ATP9B: variants seen among roughly 807,000 people sequenced by gnomAD.
ATP9B encodes the protein ATPase phospholipid transporting 9B.
ATP9B carries 110 observed loss-of-function variants against 146.1 expected under a neutral mutation model. The ratio of observed to expected loss-of-function variants is 0.75; its 90% CI spans 0.65 to 0.88. The LOEUF is 0.88. Ranked by LOEUF, ATP9B falls within the 40% of genes least tolerant of loss-of-function variation. The pLI, the probability that ATP9B is intolerant of heterozygous loss-of-function variation, is 0.00. For missense variants in ATP9B, 1,499 were observed against 1,496.4 expected (o/e 1.00, Z -0.03); for synonymous variants, 604 against 569.7 (o/e 1.06, Z -0.86).
chr18:79,128,249 G>A (rs1196908761), intron 5 of ATP9B, among the ~76,000 whole-genome samples: 5 of 151,730 alleles, frequency 3.3e-5, no homozygotes, highest in African/African-American at 7.3e-5. Context: ...TAGTCGATAC[G>A]GGGTTTCACT....
chr18:79,228,077 A>G (rs141885047), intron 11 of ATP9B, among the ~76,000 whole-genome samples: 3 of 152,396 alleles, frequency 2.0e-5, no homozygotes, highest in East Asian at 1.9e-4. Context: ...TGAGTGAATC[A>G]ATGCAGGACA....
intron 8 of ATP9B, among the ~76,000 whole-genome samples, chr18:79,184,737 A>G (rs1218969814): frequency 6.6e-6 from 1 of 152,098 alleles, no homozygotes; most frequent in Non-Finnish European, 1.5e-5. Flanking sequence ...TCTCTGCAGA[A>G]CTAAAGGGAT....
chr18:79,313,915 A>G (rs968429731), intron 15 of ATP9B, among the ~76,000 whole-genome samples: 3 of 152,240 alleles, frequency 2.0e-5, no homozygotes, highest in Non-Finnish European at 2.9e-5. Flanking sequence ...AAAGAGCTCT[A>G]TTGATGCAAT....
intron 7 of ATP9B, chr18:79,174,222 A>G (rs2095124846): frequency 4.8e-6 from 2 of 420,136 alleles, no homozygotes; most frequent in South Asian, 1.7e-5. Context: ...TATTCTAGGA[A>G]TTTTCACTGC....
At chr18:79,275,146 A>C (rs994176099) in intron 12 of ATP9B, among the ~76,000 whole-genome samples, 1 of 152,250 alleles carries the variant, frequency 6.6e-6, no homozygotes, top group African/African-American at 2.4e-5. Context: ...ATGTTTTCCA[A>C]AGTGCAGATA....
rs368773241 is a variant in ATP9B, at chr18:79,118,382, ACG to A, written c.558+5029_558+5030del. Among the ~76,000 whole-genome samples the A allele has an allele frequency of 2.7e-4, 31 of 116,232 alleles. 3 individuals are homozygous for A. The highest frequency in any genetic ancestry group is 7.1e-4 in the African/African-American group (19 of 26,878). The allele number at this position is 116,232 out of a possible 152,430, so 76.3% of individuals were successfully genotyped here. ...TCATTTTAAAACACAATCATATTGA[ACG>A]TTTTTGTTTTTTTTTTTTTTTTTTT... On this transcript the variant is annotated intron_variant, in intron 4 of 29. Transcript: ENST00000426216.
chr18:79,092,621 A>G (rs1292274473), intron 1 of ATP9B, among the ~76,000 whole-genome samples: 2 of 151,432 alleles, frequency 1.3e-5, no homozygotes, highest in Non-Finnish European at 2.9e-5. Flanking sequence ...TTTTTTAAAA[A>G]AATTTATTTT....
At chr18:79,251,154 T>TA (rs1033541362) in intron 11 of ATP9B, among the ~76,000 whole-genome samples, 2 of 152,264 alleles carry the variant, frequency 1.3e-5, no homozygotes, top group African/African-American at 4.8e-5. Flanking sequence ...TCAGGAGTCT[T>TA]ACACAGTGAA....
intron 12 of ATP9B, among the ~76,000 whole-genome samples, chr18:79,261,696 G>C (rs1423882107): frequency 1.3e-5 from 2 of 152,160 alleles, no homozygotes; most frequent in Non-Finnish European, 2.9e-5. Flanking sequence ...TTTACAAAAT[G>C]CTTCATCCCC....
At chr18:79,251,304 G>C (rs977402149) in intron 11 of ATP9B, among the ~76,000 whole-genome samples, 1 of 152,236 alleles carries the variant, frequency 6.6e-6, no homozygotes, top group Non-Finnish European at 1.5e-5. Flanking sequence ...TAGGGTCCTT[G>C]TCATCGCTAC....
At chr18:79,071,349 T>A (rs1199487758) in intron 1 of ATP9B, among the ~76,000 whole-genome samples, 1 of 149,730 alleles carries the variant, frequency 6.7e-6, no homozygotes, top group Non-Finnish European at 1.5e-5. Context: ...ATAAAGATAG[T>A]GTATTGCATA....
chr18:79,286,572 A>G (rs2096444788), intron 13 of ATP9B, among the ~76,000 whole-genome samples: 1 of 152,158 alleles, frequency 6.6e-6, no homozygotes, highest in Non-Finnish European at 1.5e-5. Flanking sequence ...AAACAGGGAC[A>G]GTTTGACTTC....
intron 8 of ATP9B, among the ~76,000 whole-genome samples, chr18:79,188,586 C>A (rs2095331072): frequency 6.6e-6 from 1 of 152,168 alleles, no homozygotes; most frequent in Non-Finnish European, 1.5e-5. Flanking sequence ...CCTTCAATAT[C>A]CCATTAATAA....
chr18:79,188,381 C>G (rs753161218), intron 8 of ATP9B, among the ~76,000 whole-genome samples: 8 of 152,260 alleles, frequency 5.3e-5, no homozygotes, highest in Non-Finnish European at 1.0e-4. Flanking sequence ...TGATGGTTAC[C>G]AGTTTTAGCT....
intron 8 of ATP9B, among the ~76,000 whole-genome samples, chr18:79,179,684 G>A (rs2095226867): frequency 6.6e-6 from 1 of 152,090 alleles, no homozygotes; most frequent in Non-Finnish European, 1.5e-5. Context: ...CCTTTCATAT[G>A]TATTGAAACT....
intron 11 of ATP9B, among the ~76,000 whole-genome samples, chr18:79,217,657 G>T (rs1458256920): frequency 6.6e-6 from 1 of 152,212 alleles, no homozygotes. Flanking sequence ...GGAAGCCTCG[G>T]TATTGATACA....
chr18:79,360,005 A>G (rs1305251488), intron 26 of ATP9B: 5 of 155,098 alleles, frequency 3.2e-5, no homozygotes, highest in Admixed American at 1.3e-4. Context: ...GATGTCACCA[A>G]GAAAAAAATC....
In ATP9B at chr18:79,359,420, G is replaced by A. The variant is rs1459249089; in HGVS notation, c.2970G>A (p.Glu990=). Residue 990 remains glutamate, a synonymous_variant, in exon 26 of 30, where the codon GAG becomes GAA. Coordinates refer to ENST00000426216, the MANE Select transcript of ATP9B (RefSeq NM_198531.5). The part of the protein sequence containing the change: ...SLVLDQDVKP[E]MAMLYPELYK... ...TGCTGGACCAGGACGTGAAGCCAGAGATGGCGATGCTCTACCCGGAGCTGT... is the reference window on the plus strand; with the variant it reads ...TGCTGGACCAGGACGTGAAGCCAGAAATGGCGATGCTCTACCCGGAGCTGT... 1 of 1,613,948 alleles carries A rather than the reference G, an allele frequency of 6.2e-7. No individual in the cohort carries two copies. The highest frequency in any genetic ancestry group is 8.5e-7 in the Non-Finnish European group (1 of 1,179,950).
chr18:79,199,589 C>T (rs1033308640), intron 9 of ATP9B, among the ~76,000 whole-genome samples: 27 of 151,466 alleles, frequency 1.8e-4, no homozygotes, highest in Admixed American at 1.6e-3. Context: ...ATGGTGAAAC[C>T]CCATCTCTAC....
Sources: gnomAD v4.1 joint callset for allele counts (sites outside exome capture counted in the v4.1 genomes callset) on GRCh38, gnomAD v4.1.1 for gene constraint, MANE v1.5 for transcripts, NCBI Gene and HGNC (gene_info 2026-07-23, HGNC 2026-07-21) for gene names.